The following IL20RA variants were observed in gnomAD, a reference collection of about 807,000 sequenced individuals.
The protein encoded by IL20RA is interleukin 20 receptor subunit alpha.
In IL20RA, 29 loss-of-function variants were observed where a neutral mutation model predicts 36.5. The ratio of observed to expected loss-of-function variants is 0.79; its 90% confidence interval spans 0.59 to 1.08. IL20RA has a LOEUF of 1.08. IL20RA is among the 50% of genes least tolerant of loss of function. The pLI is 0.00. For synonymous variants in IL20RA, 279 were observed against 267.1 expected, an observed-to-expected ratio of 1.04 and a Z score of -0.43; for missense variants, 652 against 668.4, an observed-to-expected ratio of 0.98 and a Z score of 0.27.
rs772185815 is a variant in IL20RA at position 137,001,837 on chromosome 6, C to A, written c.1383G>T (p.Ala461=). 9 of 1,613,466 alleles carry A rather than the reference C, an allele frequency of 5.6e-6. No individual in the cohort carries two copies. The highest frequency in any genetic ancestry group is 1.7e-5 in the Admixed American group (1 of 59,976). ...CCTCCTCCGAGTCTGTGTGCTCCTGCGCCAGGGGGTCTAAGTCTTGGAGCT... is the reference window on the plus strand; with the variant it reads ...CCTCCTCCGAGTCTGTGTGCTCCTGAGCCAGGGGGTCTAAGTCTTGGAGCT... ...TPQLQDLDPL[A]QEHTDSEEGP... is the part of the protein sequence containing the mutation. Residue 461 remains alanine (A), a synonymous_variant, in exon 7 of 7, where the codon GCG becomes GCT. Transcript: ENST00000316649.
At chr6:137,022,688 G>A (rs1775945137) in intron 1 of IL20RA, among the ~76,000 whole-genome samples, 1 of 152,180 alleles carries the variant, frequency 6.6e-6, no homozygotes, top group South Asian at 2.1e-4. Context: ...GACCTATTTG[G>A]AAATAGAGTT....
intron 3 of IL20RA, 87 bp downstream of exon 3, chr6:137,011,187 C>T (rs1775479549): frequency 8.8e-6 from 10 of 1,134,106 alleles, no homozygotes; most frequent in Non-Finnish European, 1.3e-5. Flanking sequence ...GTACCTTCCT[C>T]TGGGCAAGGC....
Position 137,009,303 on chromosome 6 carries a change from C to T in IL20RA, c.579+14G>A. ...TGGTACATGAATGTATGCCCCATTC[C>T]ATTTCAGGCTTACCGTTCTGTTTGA... On this transcript the variant is annotated intron_variant, in intron 4 of 6. Transcript: ENST00000316649. 2 of 1,604,390 alleles carry T rather than the reference C, an allele frequency of 1.2e-6. No individual in the cohort carries two copies. Among genetic ancestry groups the T allele is most frequent in the Non-Finnish European group, 1.7e-6 (2 of 1,171,106 alleles).
intron 1 of IL20RA, among the ~76,000 whole-genome samples, chr6:137,037,275 T>C (rs950389145): frequency 2.0e-5 from 3 of 152,178 alleles, no homozygotes; most frequent in African/African-American, 7.2e-5. Flanking sequence ...TGGTGCAAAG[T>C]GTAATGCAGC....
rs138965389 is a variant in IL20RA at position 137,042,727 on chromosome 6, C to T, written c.88+1914G>A. 3 of 152,180 alleles carry T rather than the reference C, an allele frequency of 2.0e-5. No homozygotes were observed. The East Asian group carries it at 5.8e-4, about 29-fold the overall frequency. 9.4% of individuals were successfully genotyped at this position (152,180 alleles called of 1,614,324 possible). ...TTTTACAGCCTGATATGGCACTGAG[C>T]TGTGAGACGAAAATTTTTAGAAGTT... On this transcript the variant is annotated intron_variant, in intron 1 of 6. Coordinates refer to ENST00000316649, the MANE Select transcript of IL20RA (RefSeq NM_014432.4).
At chr6:137,034,682 T>C (rs1210647427) in intron 1 of IL20RA, among the ~76,000 whole-genome samples, 1 of 152,072 alleles carries the variant, frequency 6.6e-6, no homozygotes, top group Non-Finnish European at 1.5e-5. Context: ...GGCTCACGCC[T>C]GTAATCCCAG....
chr6:137,044,449 CG>C, intron 1 of IL20RA, 191 bp downstream of exon 1: 1 of 844,618 alleles, frequency 1.2e-6, no homozygotes, highest in Non-Finnish European at 1.6e-6. Flanking sequence ...CGCGAGGCGA[CG>C]GCGAGTGTCC....
intron 1 of IL20RA, among the ~76,000 whole-genome samples, chr6:137,033,192 C>T (rs536283937): frequency 6.6e-6 from 1 of 152,336 alleles, no homozygotes; most frequent in African/African-American, 2.4e-5. Flanking sequence ...CTTTCAGCTC[C>T]TGGTGGCCCC....
intron 4 of IL20RA, chr6:137,009,069 A>C (rs1775377885): frequency 1.7e-6 from 1 of 580,714 alleles, no homozygotes; most frequent in African/African-American, 1.9e-5. Flanking sequence ...TCTTCATCAA[A>C]GTGAAGTGTA....
At position 137,001,868 on chromosome 6, in the gene IL20RA, G is replaced by A. The variant is rs202028481; in HGVS notation, c.1352C>T (p.Thr451Ile). Residue 451 changes from threonine (T) to isoleucine (I), a missense_variant, in exon 7 of 7, where the codon ACC becomes ATC. Coordinates refer to ENST00000316649, the MANE Select transcript of IL20RA (RefSeq NM_014432.4). ...LGPQTLQYSY[T>I]PQLQDLDPLA... ...GGGGTCTAAGTCTTGGAGCTGAGGG[G>A]TGTATGAGTACTGTAACGTTTGCGG... 42 of 1,613,736 alleles carry A rather than the reference G, an allele frequency of 2.6e-5. No individual in the cohort carries two copies. The East Asian group carries it at 9.1e-4, about 35-fold the overall frequency.
Position 137,011,276 on chromosome 6 carries a change from T to C in IL20RA, c.401A>G (p.Glu134Gly). Residue 134 changes from glutamate (E) to glycine (G), a missense_variant and splice_region_variant, in exon 3 of 7, where the codon GAA becomes GGA. Physicochemically the swap from Glu to Gly is moderately conservative, Grantham distance 98 (BLOSUM62 -2). Coordinates refer to ENST00000316649, the MANE Select transcript of IL20RA (RefSeq NM_014432.4). ...AESGRFYPFLETQIGPPEVAL... is the reference protein window; with the variant it reads ...AESGRFYPFLGTQIGPPEVAL... ...ATTGCAATAATGGCATTACTTACTT[T>C]CTAAAAAAGGATAGAACCGTCCACT... is the stretch of plus-strand genomic sequence containing the variant. 6.2e-7 allele frequency: 1 copy of C among 1,601,700 alleles called. No homozygotes were observed. Among genetic ancestry groups the C allele is most frequent in the Non-Finnish European group, 8.5e-7 (1 of 1,174,186 alleles).
At chr6:137,025,286 T>G (rs1211043266) in intron 1 of IL20RA, among the ~76,000 whole-genome samples, 1 of 152,116 alleles carries the variant, frequency 6.6e-6, no homozygotes, top group South Asian at 2.1e-4. Context: ...GTGGGATTAG[T>G]GCCCTTATAA....
intron 1 of IL20RA, chr6:137,038,205 C>CTTTTTTTTTTTTTTTTTTTTTTTT (rs780099085): frequency 7.0e-5 from 5 of 71,420 alleles, no homozygotes; most frequent in African/African-American, 1.3e-4. Context: ...TTTTGTTCTC[C>CTTTTTTTTTTTTTTTTTTTTTTTT]TTTTTTTTTT....
chr6:137,015,593 C>T (rs773039432), intron 2 of IL20RA, among the ~76,000 whole-genome samples: 1 of 152,156 alleles, frequency 6.6e-6, no homozygotes, highest in Non-Finnish European at 1.5e-5. Context: ...GTTTGTTGAA[C>T]AGGCAAATGG....
At chr6:137,027,187 G>C (rs1328355231) in intron 1 of IL20RA, among the ~76,000 whole-genome samples, 1 of 152,178 alleles carries the variant, frequency 6.6e-6, no homozygotes, top group Non-Finnish European at 1.5e-5. Context: ...TGGCTGAAAA[G>C]TAAGTCTTCT....
intron 1 of IL20RA, among the ~76,000 whole-genome samples, chr6:137,029,439 G>A (rs565727083): frequency 2.8e-4 from 42 of 152,282 alleles, no homozygotes; most frequent in South Asian, 6.2e-4. Flanking sequence ...CCTGGGAGGC[G>A]GAGGTTGTAG....
At chr6:137,038,220 T>TTTC in intron 1 of IL20RA, 1 of 134,992 alleles carries the variant, frequency 7.4e-6, no homozygotes. Context: ...TTTTTTTTTT[T>TTTC]TTTTTTTTTT....
In IL20RA at chr6:137,009,297, C is replaced by A. The variant is rs1462406076; in HGVS notation, c.579+20G>T. Reference sequence around the variant, plus strand: ...ACAGAGTGGTACATGAATGTATGCCCCATTCCATTTCAGGCTTACCGTTCT... The same window carrying A: ...ACAGAGTGGTACATGAATGTATGCCACATTCCATTTCAGGCTTACCGTTCT... On this transcript the variant is annotated intron_variant, in intron 4 of 6. Transcript: ENST00000316649. 6.3e-7 allele frequency: 1 copy of A among 1,590,608 alleles called. No individual in the cohort carries two copies. Among genetic ancestry groups the A allele is most frequent in the Non-Finnish European group, 8.6e-7 (1 of 1,158,574 alleles).
intron 1 of IL20RA, among the ~76,000 whole-genome samples, chr6:137,040,493 A>T (rs1456976693): frequency 2.6e-5 from 4 of 152,296 alleles, no homozygotes; most frequent in Middle Eastern, 3.4e-3. Flanking sequence ...GGCAGGGAAA[A>T]CACTAGATGA....
Sources: gnomAD v4.1 joint callset for allele counts (sites outside exome capture counted in the v4.1 genomes callset) on GRCh38, gnomAD v4.1.1 for gene constraint, MANE v1.5 for transcripts, NCBI Gene and HGNC (gene_info 2026-07-23, HGNC 2026-07-21) for gene names.